The following TGFBR3L variants were observed in gnomAD, a reference collection of about 807,000 sequenced individuals.
TGFBR3L encodes the protein transforming growth factor beta receptor 3 like, also known as transforming growth factor-beta receptor type 3-like protein.
A neutral mutation model predicts 20.4 loss-of-function variants in TGFBR3L; 21 were observed. The ratio of observed to expected loss-of-function variants is 1.03; its 90% CI spans 0.73 to 1.48. The LOEUF (loss-of-function observed/expected upper bound fraction) is 1.48, where lower values mean the gene tolerates loss of function less well. Ranked by LOEUF, TGFBR3L falls within the 40% of genes most tolerant of loss-of-function variation. The pLI, the probability that TGFBR3L is intolerant of heterozygous loss-of-function variation, is 0.00. For synonymous variants in TGFBR3L, 245 were observed against 244.2 expected (o/e 1.00, Z -0.03); for missense variants, 479 against 498.0 (o/e 0.96, Z 0.36).
Position 7,919,047 on chromosome 19 carries a change from C to T in TGFBR3L, c.*136C>T. 7 of 398,896 alleles carry T rather than the reference C, an allele frequency of 1.8e-5. No homozygotes were observed. In the Admixed American group the frequency reaches 2.6e-4, roughly 15 times the overall value. The allele number at this position is 398,896 out of a possible 1,614,324, so 24.7% of individuals were successfully genotyped here. On this transcript the variant is annotated 3_prime_UTR_variant, in exon 6 of 6. Coordinates refer to ENST00000565886, the MANE Select transcript of TGFBR3L (RefSeq NM_001195259.2). Reference sequence around the variant, plus strand: ...CACGACCCCTGCGCTTCTCTCCTCCCCCTGTCCCTCCCACCTGTGCTCAAA... The same window carrying T: ...CACGACCCCTGCGCTTCTCTCCTCCTCCTGTCCCTCCCACCTGTGCTCAAA...
chr19:7,916,115 C>T lies in TGFBR3L; in HGVS notation c.-153C>T. 7.1e-7 allele frequency: 1 copy of T among 1,415,262 alleles called. No individual in the cohort carries two copies. Among genetic ancestry groups the T allele is most frequent in the Non-Finnish European group, 9.2e-7 (1 of 1,082,992 alleles). The allele number at this position is 1,415,262 out of a possible 1,614,324, so 87.7% of individuals were successfully genotyped here. A position where few individuals can be genotyped will look rare whatever the true frequency, so the allele number is the denominator to read the frequency against. On this transcript the variant is annotated 5_prime_UTR_variant, in exon 1 of 6. Transcript: ENST00000565886. Reference sequence around the variant, plus strand: ...CCCCACCATCGGGTGCTCCTCACCGCTTCTCTTCCGCCCCAGGGAGGGCTT... The same window carrying T: ...CCCCACCATCGGGTGCTCCTCACCGTTTCTCTTCCGCCCCAGGGAGGGCTT...
Position 7,918,065 on chromosome 19 carries a change from G to A in TGFBR3L, c.892G>A (p.Ala298Thr), listed in dbSNP as rs1209689996. 3.9e-6 allele frequency: 6 copies of A among 1,534,624 alleles called. No individual in the cohort carries two copies. The highest frequency in any genetic ancestry group is 5.2e-6 in the Non-Finnish European group (6 of 1,146,020). ...TCGCCTCTCCCTTCCAGCGCCCCAC[G>A]CCCCTGGCCCGCCCGCGAGAGCCTC... is the stretch of plus-strand genomic sequence containing the variant. The change falls in exon 5 of 6, where the codon GCC (alanine) becomes ACC (threonine). Residue 298 changes from alanine to threonine, a missense_variant. Ala to Thr is a moderately conservative substitution (Grantham distance 58, BLOSUM62 0). Transcript: ENST00000565886.
Position 7,916,279 on chromosome 19 carries a change from G to A in TGFBR3L, c.12G>A (p.Ser4=), listed in dbSNP as rs764503438. The change falls in exon 1 of 6, where the codon TCG becomes TCA. Residue 4 remains serine (S), a synonymous_variant. Coordinates refer to ENST00000565886, the MANE Select transcript of TGFBR3L (RefSeq NM_001195259.2). The stretch of plus-strand genomic sequence containing the variant: ...GCGCGGAGCCCATCATGGGTGAATC[G>A]GCCGCCGCAACCGCATCCCTTTTCC... 28 of 1,534,612 alleles carry A rather than the reference G, an allele frequency of 1.8e-5. No homozygotes were observed. The highest frequency in any genetic ancestry group is 4.1e-5 in the African/African-American group (3 of 73,004).
rs1309404494 is a variant in TGFBR3L, at chr19:7,916,778, A to C, written c.433A>C (p.Ser145Arg). ...CGCCTTCCCGCCACCGCCGCCGCCG[A>C]GCCCGGGTGCCGCCCGCCCCGCGCG... is the stretch of plus-strand genomic sequence containing the variant. Residue 145 changes from serine to arginine, a missense_variant, in exon 2 of 6, where the codon AGC becomes CGC. Coordinates refer to ENST00000565886, the MANE Select transcript of TGFBR3L (RefSeq NM_001195259.2). The C allele has an allele frequency of 6.7e-7, 1 of 1,487,688 alleles. No homozygotes were observed. Among genetic ancestry groups the C allele is most frequent in the Non-Finnish European group, 8.9e-7 (1 of 1,124,916 alleles). 92.2% of individuals were successfully genotyped at this position (1,487,688 alleles called of 1,614,324 possible). A position where few individuals can be genotyped will look rare whatever the true frequency, so the allele number is the denominator to read the frequency against.
chr19:7,915,612 G>A lies in TGFBR3L; in HGVS notation c.-656G>A, dbSNP rs759861747. Among the ~76,000 whole-genome samples the A allele has an allele frequency of 1.1e-4, 16 of 152,168 alleles. No homozygotes were observed. The highest frequency in any genetic ancestry group is 2.2e-4 in the Non-Finnish European group (15 of 68,032). ...CCCCGTATGGCCGTGGTAGCGAGTG[G>A]CTGTGGTCATAGCTACTCGAGAGGC... On this transcript the variant is annotated 5_prime_UTR_variant, in exon 1 of 6. Coordinates refer to ENST00000565886, the MANE Select transcript of TGFBR3L (RefSeq NM_001195259.2).
At chr19:7,917,274 G>A (rs1273651501) in intron 2 of TGFBR3L, among the ~76,000 whole-genome samples, 199 bp from the exon 4 acceptor site, 1 of 152,132 alleles carries the variant, frequency 6.6e-6, no homozygotes, top group African/African-American at 2.4e-5. Context: ...GGGATTTGGG[G>A]TCCTTAGGGG....
Position 7,915,202 on chromosome 19 carries a change from T to C in TGFBR3L, c.-1066T>C, listed in dbSNP as rs1036690953. Among the ~76,000 whole-genome samples, 1 of 152,168 alleles carries C rather than the reference T, an allele frequency of 6.6e-6. No individual in the cohort carries two copies. Among genetic ancestry groups the C allele is most frequent in the Admixed American group, 6.5e-5 (1 of 15,276 alleles). ...GTTGGCCAGGCTGGTCTCGAACTCC[T>C]GACCTCAGGCGATCCGCCCGCCTCG... On this transcript the variant is annotated 5_prime_UTR_variant, in exon 1 of 6. Coordinates refer to ENST00000565886, the MANE Select transcript of TGFBR3L (RefSeq NM_001195259.2).
At position 7,918,960 on chromosome 19, in the gene TGFBR3L, C is replaced by G. The variant is rs1983453107; in HGVS notation, c.*49C>G. 1 of 398,604 alleles carries G rather than the reference C, an allele frequency of 2.5e-6. No individual in the cohort carries two copies. The highest frequency in any genetic ancestry group is 2.1e-5 in the African/African-American group (1 of 48,710). The allele number at this position is 398,604 out of a possible 1,614,324, so 24.7% of individuals were successfully genotyped here. On this transcript the variant is annotated 3_prime_UTR_variant, in exon 6 of 6. Transcript: ENST00000565886. ...ATGGTCCGGAGATACACCCAGCTAC[C>G]AATTCGGGACCAGGACCAACAGGAC... is the stretch of plus-strand genomic sequence containing the variant.
rs1388999351 is a variant in TGFBR3L at position 7,916,568 on chromosome 19, G to A, written c.276+25G>A. On this transcript the variant is annotated intron_variant, in intron 1 of 5. Coordinates refer to ENST00000565886, the MANE Select transcript of TGFBR3L (RefSeq NM_001195259.2). The stretch of plus-strand genomic sequence containing the variant: ...GGTGGGGACCCCGGGGACACCAGGG[G>A]CGGATGGGGGCCGGTGGGGACGGGC... 9.0e-6 allele frequency: 13 copies of A among 1,450,330 alleles called. No homozygotes were observed. The Admixed American group carries it at 1.0e-4, about 12-fold the overall frequency. The allele number at this position is 1,450,330 out of a possible 1,614,324, so 89.8% of individuals were successfully genotyped here.
intron 5 of TGFBR3L, 35 bp downstream of exon 6, chr19:7,918,164 G>A (rs1983404532): frequency 6.5e-7 from 1 of 1,529,642 alleles, no homozygotes; most frequent in Non-Finnish European, 8.8e-7. Flanking sequence ...GGGTGAGGTA[G>A]GAGATCTGAC....
Position 7,916,045 on chromosome 19 carries a change from G to T in TGFBR3L, c.-223G>T. 1.3e-6 allele frequency: 1 copy of T among 789,890 alleles called. No individual in the cohort carries two copies. Among genetic ancestry groups the T allele is most frequent in the South Asian group, 2.0e-5 (1 of 50,124 alleles). The allele number at this position is 789,890 out of a possible 1,614,324, so 48.9% of individuals were successfully genotyped here. On this transcript the variant is annotated 5_prime_UTR_variant, in exon 1 of 6. Transcript: ENST00000565886. ...CGCCTGTCCTGCTGCGTCCCCAAGAGCAGCCCTGGGGAAGGTGGGGGAGCT... is the reference window on the plus strand; with the variant it reads ...CGCCTGTCCTGCTGCGTCCCCAAGATCAGCCCTGGGGAAGGTGGGGGAGCT...
rs967099017 is a variant in TGFBR3L, at chr19:7,916,776, C to G, written c.431C>G (p.Pro144Arg). ...GTCGCCTTCCCGCCACCGCCGCCGC[C>G]GAGCCCGGGTGCCGCCCGCCCCGCG... Residue 144 changes from proline to arginine, a missense_variant, in exon 2 of 6, where the codon CCG (proline) becomes CGG (arginine). Pro to Arg is a moderately radical substitution (Grantham distance 103, BLOSUM62 -2). Coordinates refer to ENST00000565886, the MANE Select transcript of TGFBR3L (RefSeq NM_001195259.2). The G allele has an allele frequency of 8.1e-6, 12 of 1,489,682 alleles. No individual in the cohort carries two copies. In the Admixed American group the frequency reaches 2.4e-4, roughly 30 times the overall value. 92.3% of individuals were successfully genotyped at this position (1,489,682 alleles called of 1,614,324 possible).
chr19:7,915,680 G>A lies in TGFBR3L; in HGVS notation c.-588G>A, dbSNP rs972330349. On this transcript the variant is annotated 5_prime_UTR_variant, in exon 1 of 6. Transcript: ENST00000565886. ...TGGAGCCCAGGAGGTGGAGGCTGCAGTGAGCTGTATTCGCACCACTGCACT... is the reference window on the plus strand; with the variant it reads ...TGGAGCCCAGGAGGTGGAGGCTGCAATGAGCTGTATTCGCACCACTGCACT... 2.0e-5 allele frequency among the ~76,000 whole-genome samples: 3 copies of A among 152,354 alleles called. No homozygotes were observed. The highest frequency in any genetic ancestry group is 4.4e-5 in the Non-Finnish European group (3 of 68,030).
Position 7,916,901 on chromosome 19 carries a change from C to T in TGFBR3L, c.556C>T (p.Pro186Ser). The change falls in exon 2 of 6, where the codon CCT (proline) becomes TCT (serine). Residue 186 changes from proline (P) to serine (S), a missense_variant. Coordinates refer to ENST00000565886, the MANE Select transcript of TGFBR3L (RefSeq NM_001195259.2). ...CCGCCTCCGGGGAGTCCGCCGGGCG[C>T]CTGCGCCTCTGACGCCGCCGCCGCC... 1 of 1,328,744 alleles carries T rather than the reference C, an allele frequency of 7.5e-7. No individual in the cohort carries two copies. 82.3% of individuals were successfully genotyped at this position (1,328,744 alleles called of 1,614,324 possible).
rs978511377 is a variant in TGFBR3L at position 7,914,977 on chromosome 19, C to T, written c.-1291C>T. 6.6e-6 allele frequency among the ~76,000 whole-genome samples: 1 copy of T among 152,052 alleles called. No individual in the cohort carries two copies. ...TGTCATGCTTCTATCCCTGTTTCAC[C>T]CTCTTTATTTTTTTTGAGATGGAGT... On this transcript the variant is annotated 5_prime_UTR_variant, in exon 1 of 6. Coordinates refer to ENST00000565886, the MANE Select transcript of TGFBR3L (RefSeq NM_001195259.2).
At chr19:7,918,319 C>T (rs1395976730) in intron 5 of TGFBR3L, among the ~76,000 whole-genome samples, 190 bp downstream of exon 6, 2 of 152,248 alleles carry the variant, frequency 1.3e-5, no homozygotes, top group African/African-American at 4.8e-5. Flanking sequence ...TCACCGCAAC[C>T]TCTGCCTCCC....
intron 5 of TGFBR3L, 73 bp from the exon 7 acceptor site, chr19:7,918,844 T>C: frequency 2.5e-6 from 1 of 398,246 alleles, no homozygotes; most frequent in Non-Finnish European, 4.4e-6. Context: ...TGGAAGAGGC[T>C]AGTGGTCTGC....
chr19:7,918,200 G>C, intron 5 of TGFBR3L, 71 bp downstream of exon 6: 1 of 1,460,356 alleles, frequency 6.8e-7, no homozygotes, highest in Non-Finnish European at 9.2e-7. Context: ...CGCTTAGTTC[G>C]TGCCAGGCAC....
intron 5 of TGFBR3L, 185 bp from the exon 7 acceptor site, chr19:7,918,732 G>C (rs1249053027): frequency 2.5e-6 from 1 of 395,916 alleles, no homozygotes; most frequent in African/African-American, 2.1e-5. Context: ...GGCAGGCGCG[G>C]GCTTTGGGTC....
Sources: allele counts gnomAD v4.1 joint callset (sites outside exome capture counted in the v4.1 genomes callset), GRCh38; gene constraint gnomAD v4.1.1; transcripts MANE v1.5; gene names NCBI Gene and HGNC (gene_info 2026-07-23, HGNC 2026-07-21).